Variants in SNX29 observed in about 807,000 individuals in gnomAD.
SNX29 encodes the protein sorting nexin-29.
Under a neutral mutation model 102.1 loss-of-function variants are expected in SNX29, and 78 were observed. The ratio of observed to expected loss-of-function variants is 0.76; its 90% confidence interval spans 0.64 to 0.92. The LOEUF (loss-of-function observed/expected upper bound fraction) is 0.92. SNX29 is among the 40% of genes least tolerant of loss of function. SNX29 has a pLI of 0.00. For missense variants in SNX29, 1,280 were observed against 1,061.7 expected (o/e 1.21, Z -2.86); for synonymous variants, 580 against 414.5 (o/e 1.40, Z -4.85).
intron 6 of SNX29, among the ~76,000 whole-genome samples, chr16:12,047,896 A>G (rs143812538): frequency 0.015 from 2,262 of 152,058 alleles, 45 homozygotes; most frequent in African/African-American, 0.052. Flanking sequence ...ACCTCAGGTG[A>G]TCCACCTGTC....
At chr16:12,058,495 GTT>G (rs1249420541) in intron 8 of SNX29, among the ~76,000 whole-genome samples, 5 of 106,500 alleles carry the variant, frequency 4.7e-5, no homozygotes, top group Admixed American at 1.1e-4. Flanking sequence ...TTGGTTTTTG[GTT>G]TTTTTTTTTT....
Position 12,043,408 on chromosome 16 carries a change from G to A in SNX29, c.428+331G>A, listed in dbSNP as rs1226174851. The stretch of plus-strand genomic sequence containing the variant: ...CTTGCTTTGTTGCCCAAGTTGGAGT[G>A]CAGTGGCATGAACATGGGTCTTTGC... On this transcript the variant is annotated intron_variant, in intron 5 of 20. Transcript: ENST00000566228. Among the ~76,000 whole-genome samples the A allele has an allele frequency of 2.0e-5, 3 of 151,400 alleles. No homozygotes were observed. The East Asian group carries it at 5.8e-4, about 29-fold the overall frequency.
intron 11 of SNX29, among the ~76,000 whole-genome samples, chr16:12,101,799 G>T (rs1323034257): frequency 2.0e-5 from 3 of 152,210 alleles, no homozygotes; most frequent in African/African-American, 7.2e-5. Flanking sequence ...TAAGTTCTGG[G>T]ATCCATGTGC....
At position 12,488,331 on chromosome 16, in the gene SNX29, C is replaced by T. The variant is rs528914487; in HGVS notation, c.2178+10472C>T. ...CCCTCCATTGTGGCCTTCATACCTC[C>T]ACCAGGAAGTCTTCCCTGACTTCAA... On this transcript the variant is annotated intron_variant, in intron 19 of 20. Transcript: ENST00000566228. 8.5e-5 allele frequency among the ~76,000 whole-genome samples: 13 copies of T among 152,172 alleles called. No homozygotes were observed. In the East Asian group the frequency reaches 2.3e-3, roughly 27 times the overall value.
chr16:12,439,756 C>A (rs1470257918), intron 18 of SNX29, among the ~76,000 whole-genome samples: 1 of 152,190 alleles, frequency 6.6e-6, no homozygotes, highest in Non-Finnish European at 1.5e-5. Flanking sequence ...GCCATGTGAC[C>A]TTGGTACACT....
rs375094823 is a variant in SNX29, at chr16:12,572,885, C to G, written c.*4256C>G. On this transcript the variant is annotated 3_prime_UTR_variant, in exon 21 of 21. Transcript: ENST00000566228. Reference sequence around the variant, plus strand: ...AAGGTAATGATTGTCTTGACTCTGCCTTGGCATTTCGCTCGGAATCACGGC... The same window carrying G: ...AAGGTAATGATTGTCTTGACTCTGCGTTGGCATTTCGCTCGGAATCACGGC... The G allele has an allele frequency of 5.0e-5, 53 of 1,055,808 alleles. No homozygotes were observed. In the African/African-American group the frequency reaches 8.2e-4, roughly 16 times the overall value. 65.4% of individuals were successfully genotyped at this position (1,055,808 alleles called of 1,614,324 possible). A position where few individuals can be genotyped will look rare whatever the true frequency, so the allele number is the denominator to read the frequency against.
chr16:12,540,396 G>A (rs970173435), intron 20 of SNX29, among the ~76,000 whole-genome samples: 3 of 152,216 alleles, frequency 2.0e-5, no homozygotes, highest in African/African-American at 7.2e-5. Flanking sequence ...TTGGCACAAA[G>A]TTAGTGGCTA....
Position 12,230,614 on chromosome 16 carries a change from G to A in SNX29, c.1678+30931G>A, listed in dbSNP as rs556062604. Among the ~76,000 whole-genome samples the A allele has an allele frequency of 1.3e-3, 195 of 152,288 alleles. 1 individual carries two copies. The highest frequency in any genetic ancestry group is 4.4e-3 in the African/African-American group (184 of 41,568). On this transcript the variant is annotated intron_variant, in intron 14 of 20. Transcript: ENST00000566228. ...CAAAGCTGCAAGTGGACAAATTTTA[G>A]CATTTGTTTTTTAACGAATGAGCAG...
At chr16:12,326,314 A>G (rs1368037675) in intron 15 of SNX29, among the ~76,000 whole-genome samples, 2 of 133,418 alleles carry the variant, frequency 1.5e-5, no homozygotes, top group Non-Finnish European at 1.6e-5. Context: ...CCAAATAAAT[A>G]TATAGCTTTT....
chr16:12,356,142 C>G (rs781275743), intron 15 of SNX29, 21 bp from the exon 16 acceptor site: 30 of 1,605,106 alleles, frequency 1.9e-5, no homozygotes, highest in Non-Finnish European at 2.6e-5. Context: ...TAAGCCTCAC[C>G]TTTCCGTGCT....
At chr16:12,227,005 T>A (rs910106617) in intron 14 of SNX29, among the ~76,000 whole-genome samples, 26 of 152,196 alleles carry the variant, frequency 1.7e-4, no homozygotes, top group African/African-American at 6.0e-4. Flanking sequence ...AAAGGGAAAT[T>A]TGGACTTGGC....
rs150237057 is a variant in SNX29 at position 12,048,421 on chromosome 16, C to T, written c.549C>T (p.Asn183=). 1,192 of 1,613,792 alleles carry T rather than the reference C, an allele frequency of 7.4e-4. 2 individuals carry two copies. The highest frequency in any genetic ancestry group is 3.9e-3 in the African/African-American group (295 of 74,970). ...TTAACATCGACAACAAGGATTTGAA[C>T]GGGCAGAGTAAGTTTGCTCCCACCG... ...FAINIDNKDL[N]GQSKFAPTVS... Residue 183 remains asparagine (N), a synonymous_variant, in exon 7 of 21, where the codon AAC becomes AAT. Coordinates refer to ENST00000566228, the MANE Select transcript of SNX29 (RefSeq NM_032167.5).
At chr16:11,984,332 C>T (rs1292397982) in intron 1 of SNX29, among the ~76,000 whole-genome samples, 2 of 150,946 alleles carry the variant, frequency 1.3e-5, no homozygotes, top group African/African-American at 2.4e-5. Context: ...TACCATTGCA[C>T]TCCAGCCTGG....
At chr16:12,276,908 G>T (rs1343085724) in intron 14 of SNX29, among the ~76,000 whole-genome samples, 1 of 152,106 alleles carries the variant, frequency 6.6e-6, no homozygotes, top group Non-Finnish European at 1.5e-5. Flanking sequence ...TTGCATTGAC[G>T]TTCTGTGTTG....
intron 20 of SNX29, among the ~76,000 whole-genome samples, chr16:12,559,206 G>C (rs2162794): frequency 0.2 from 29,921 of 151,878 alleles, 3,133 homozygotes; most frequent in East Asian, 0.43. Context: ...GGTGAGCAGC[G>C]CTTCGTCTGT....
At chr16:12,379,171 G>T (rs2082986505) in intron 16 of SNX29, among the ~76,000 whole-genome samples, 1 of 152,130 alleles carries the variant, frequency 6.6e-6, no homozygotes, top group South Asian at 2.1e-4. Flanking sequence ...TTGAGACAAG[G>T]TCTTGCTCTT....
At chr16:12,029,261 C>G (rs1416325776) in intron 4 of SNX29, among the ~76,000 whole-genome samples, 1 of 152,092 alleles carries the variant, frequency 6.6e-6, no homozygotes, top group Non-Finnish European at 1.5e-5. Flanking sequence ...ATTATGTTCA[C>G]TAAACAAATA....
rs532271768 is a variant in SNX29 at position 12,000,938 on chromosome 16, G to A, written c.69+1580G>A. ...TGAGGGAATTGGATTGTTAAAGTAG[G>A]TAAAGGGCCTGGACAGAGCCTGGTC... On this transcript the variant is annotated intron_variant, in intron 2 of 20. Transcript: ENST00000566228. Among the ~76,000 whole-genome samples the A allele has an allele frequency of 8.5e-5, 13 of 152,174 alleles. No individual in the cohort carries two copies. In the South Asian group the frequency reaches 1.4e-3, roughly 17 times the overall value.
At chr16:12,394,566 C>T (rs568556468) in intron 16 of SNX29, among the ~76,000 whole-genome samples, 106 of 152,286 alleles carry the variant, frequency 7.0e-4, no homozygotes, top group African/African-American at 1.1e-3. Context: ...GGTTCTTTTA[C>T]GTCATGTGGT....
Sources: allele counts gnomAD v4.1 joint callset (sites outside exome capture counted in the v4.1 genomes callset), GRCh38; gene constraint gnomAD v4.1.1; transcripts MANE v1.5; gene names NCBI Gene and HGNC (gene_info 2026-07-23, HGNC 2026-07-21).